The following CDH12 variants were observed in gnomAD, a reference collection of about 807,000 sequenced individuals.
CDH12 encodes cadherin-12.
In CDH12, 41 loss-of-function variants were observed where a neutral mutation model predicts 74.1. The observed-to-expected ratio is 0.55, with a 90% CI of 0.43 to 0.72. CDH12 has a LOEUF of 0.72. Ranked by LOEUF, CDH12 falls within the 30% of genes least tolerant of loss-of-function variation. The pLI is 0.00. For missense variants in CDH12, 945 were observed against 977.2 expected (o/e 0.97, Z 0.44); for synonymous variants, 399 against 355.0 (o/e 1.12, Z -1.39).
rs181164902 is a variant in CDH12, at chr5:22,482,806, G to C, written c.-428+22464C>G. 3.5e-3 allele frequency among the ~76,000 whole-genome samples: 529 copies of C among 152,186 alleles called. 3 individuals are homozygous for C. Among genetic ancestry groups the C allele is most frequent in the Non-Finnish European group, 4.8e-3 (324 of 68,000 alleles). ...AGCTAATAAATATGATTGTGTCGGG[G>C]ATTTTCCCAAAAAATATATACCATT... On this transcript the variant is annotated intron_variant, in intron 2 of 14. Coordinates refer to ENST00000382254, the MANE Select transcript of CDH12 (RefSeq NM_004061.5).
In CDH12 at chr5:22,132,138, A is replaced by T. The variant is rs535615454; in HGVS notation, c.-186-53276T>A. ...TTAGATAGATCACAGATACAGGTAT[A>T]GATAAACATAGATATATAGATGGAA... On this transcript the variant is annotated intron_variant, in intron 4 of 14. Coordinates refer to ENST00000382254, the MANE Select transcript of CDH12 (RefSeq NM_004061.5). 2.6e-5 allele frequency among the ~76,000 whole-genome samples: 4 copies of T among 152,176 alleles called. No individual in the cohort carries two copies. In the East Asian group the frequency reaches 7.7e-4, roughly 29 times the overall value.
At chr5:21,820,469 T>C (rs1035303227) in intron 8 of CDH12, among the ~76,000 whole-genome samples, 5 of 152,152 alleles carry the variant, frequency 3.3e-5, no homozygotes, top group Admixed American at 3.3e-4. Context: ...TGATTACTTT[T>C]TGTGTGTGTT....
At chr5:22,727,458 C>T (rs1338716731) in intron 1 of CDH12, among the ~76,000 whole-genome samples, 1 of 151,552 alleles carries the variant, frequency 6.6e-6, no homozygotes, top group African/African-American at 2.4e-5. Context: ...AATTATACCT[C>T]TAGTAATCAT....
intron 6 of CDH12, among the ~76,000 whole-genome samples, chr5:21,905,476 T>C (rs989004586): frequency 6.6e-6 from 1 of 152,192 alleles, no homozygotes; most frequent in African/African-American, 2.4e-5. Context: ...CAGTGATACA[T>C]TGGAAAATGT....
chr5:21,865,253 CTTAAAA>C (rs1751266022), intron 6 of CDH12, among the ~76,000 whole-genome samples: 1 of 152,076 alleles, frequency 6.6e-6, no homozygotes, highest in African/African-American at 2.4e-5. Flanking sequence ...AAAGACAGAA[CTTAAAA>C]TTAAATTAAG....
intron 2 of CDH12, among the ~76,000 whole-genome samples, chr5:22,408,307 C>T (rs906025792): frequency 4.6e-5 from 7 of 151,826 alleles, no homozygotes; most frequent in African/African-American, 1.7e-4. Flanking sequence ...ATCAATGTGT[C>T]TGACAATATA....
At chr5:22,078,300 C>T in intron 5 of CDH12, 146 bp downstream of exon 5, 1 of 658,016 alleles carries the variant, frequency 1.5e-6, no homozygotes, top group African/African-American at 1.8e-5. Flanking sequence ...GCCATTGAGT[C>T]AGGAAGATAA....
intron 3 of CDH12, among the ~76,000 whole-genome samples, chr5:22,360,883 C>T (rs971621117): frequency 6.6e-6 from 1 of 152,102 alleles, no homozygotes; most frequent in African/African-American, 2.4e-5. Context: ...TTAAACAGCC[C>T]TTCATGCTAA....
At chr5:22,256,991 A>T (rs1382304700) in intron 3 of CDH12, among the ~76,000 whole-genome samples, 2 of 152,192 alleles carry the variant, frequency 1.3e-5, no homozygotes, top group African/African-American at 4.8e-5. Flanking sequence ...CTACACAGCC[A>T]TAAAAAAAGA....
chr5:22,275,942 T>C lies in CDH12; in HGVS notation c.-332-63299A>G, dbSNP rs189789296. Among the ~76,000 whole-genome samples, 401 of 152,322 alleles carry C rather than the reference T, an allele frequency of 2.6e-3. 2 individuals carry two copies. Among genetic ancestry groups the C allele is most frequent in the Middle Eastern group, 0.01 (3 of 294 alleles). On this transcript the variant is annotated intron_variant, in intron 3 of 14. Transcript: ENST00000382254. ...CATAGCAAATATTTTAAAGTTACCC[T>C]ATTTCTGATGAAATATGGAGAACTA... is the stretch of plus-strand genomic sequence containing the variant.
intron 3 of CDH12, among the ~76,000 whole-genome samples, chr5:22,253,555 C>A (rs554983853): frequency 1.3e-5 from 2 of 151,852 alleles, no homozygotes; most frequent in Non-Finnish European, 3.0e-5. Flanking sequence ...GGCTTATTTT[C>A]ATATTTTATT....
At chr5:21,900,203 T>C (rs1753320563) in intron 6 of CDH12, among the ~76,000 whole-genome samples, 1 of 152,142 alleles carries the variant, frequency 6.6e-6, no homozygotes, top group African/African-American at 2.4e-5. Flanking sequence ...CATATATCCA[T>C]GTCTTGTGGT....
chr5:22,584,453 A>G (rs1408853870), intron 1 of CDH12, among the ~76,000 whole-genome samples: 1 of 152,170 alleles, frequency 6.6e-6, no homozygotes, highest in East Asian at 1.9e-4. Context: ...TAGTGAAACT[A>G]TAATTTATTC....
At chr5:22,828,145 A>G (rs562387361) in intron 1 of CDH12, among the ~76,000 whole-genome samples, 2 of 152,276 alleles carry the variant, frequency 1.3e-5, no homozygotes, top group South Asian at 2.1e-4. Flanking sequence ...ATTAGAAAAT[A>G]CATAACAATT....
intron 6 of CDH12, among the ~76,000 whole-genome samples, chr5:21,907,072 A>T (rs540935667): frequency 6.6e-6 from 1 of 152,324 alleles, no homozygotes; most frequent in East Asian, 1.9e-4. Flanking sequence ...CTTAATAGAA[A>T]TACAAGCTAC....
chr5:22,369,435 A>T (rs371013512), intron 3 of CDH12, among the ~76,000 whole-genome samples: 2 of 152,334 alleles, frequency 1.3e-5, no homozygotes, highest in East Asian at 3.9e-4. Flanking sequence ...CAGGCATAAA[A>T]GTGTCACCCA....
chr5:21,973,804 C>T (rs3111158), intron 6 of CDH12, among the ~76,000 whole-genome samples: 2 of 152,110 alleles, frequency 1.3e-5, no homozygotes, highest in African/African-American at 4.8e-5. Flanking sequence ...AATGTAGCCT[C>T]CCTCATTTTC....
At chr5:22,826,208 A>G (rs531330045) in intron 1 of CDH12, among the ~76,000 whole-genome samples, 1 of 152,214 alleles carries the variant, frequency 6.6e-6, no homozygotes, top group South Asian at 2.1e-4. Flanking sequence ...AATGGACCTC[A>G]TGAGATCTGA....
intron 1 of CDH12, among the ~76,000 whole-genome samples, chr5:22,549,753 T>A (rs549658462): frequency 2.4e-4 from 37 of 152,346 alleles, no homozygotes; most frequent in African/African-American, 8.9e-4. Flanking sequence ...GATAATTGAA[T>A]GTTGATTTTT....
Sources: gnomAD v4.1 joint callset for allele counts (sites outside exome capture counted in the v4.1 genomes callset) on GRCh38, gnomAD v4.1.1 for gene constraint, MANE v1.5 for transcripts, NCBI Gene and HGNC (gene_info 2026-07-23, HGNC 2026-07-21) for gene names.